Variants in SNTG1 observed in about 807,000 individuals in gnomAD.
The protein encoded by SNTG1 is gamma-1-syntrophin.
A neutral mutation model predicts 74.7 loss-of-function variants in SNTG1; 39 were observed. That is an observed-to-expected ratio of 0.52 (90% confidence interval 0.40 to 0.68). The LOEUF is 0.68. Ranked by LOEUF, SNTG1 falls within the 30% of genes least tolerant of loss-of-function variation. SNTG1 has a pLI of 0.00. For synonymous variants in SNTG1, 254 were observed against 217.1 expected (o/e 1.17, Z -1.49); for missense variants, 685 against 609.5 (o/e 1.12, Z -1.30).
rs2089502312 is a variant in SNTG1, at chr8:50,298,671, A to G, written c.-27-95541A>G. On this transcript the variant is annotated intron_variant, in intron 2 of 18. Transcript: ENST00000642720. ...TAAAAACCTAACAAGCTTCAATTCA[A>G]TTTTATTACCCTTTGGATCAGAGAA... Among the ~76,000 whole-genome samples, 4 of 152,264 alleles carry G rather than the reference A, an allele frequency of 2.6e-5. No individual in the cohort carries two copies. The South Asian group carries it at 8.3e-4, about 32-fold the overall frequency.
intron 1 of SNTG1, among the ~76,000 whole-genome samples, chr8:50,006,724 G>A (rs1563461206): frequency 6.6e-6 from 1 of 152,068 alleles, no homozygotes. Flanking sequence ...GCTGCTTTGG[G>A]TGAGCAGACG....
At chr8:50,666,667 A>G (rs769575332) in intron 15 of SNTG1, among the ~76,000 whole-genome samples, 6 of 152,156 alleles carry the variant, frequency 3.9e-5, no homozygotes, top group Non-Finnish European at 8.8e-5. Context: ...TATAGAGACA[A>G]CACAGTAAAT....
intron 1 of SNTG1, among the ~76,000 whole-genome samples, chr8:50,020,078 T>C (rs1394730024): frequency 6.6e-6 from 1 of 152,128 alleles, no homozygotes; most frequent in African/African-American, 2.4e-5. Flanking sequence ...CTATACTCTA[T>C]CTTCAGCATG....
At chr8:50,422,168 G>T (rs2093096670) in intron 4 of SNTG1, among the ~76,000 whole-genome samples, 1 of 152,076 alleles carries the variant, frequency 6.6e-6, no homozygotes, top group South Asian at 2.1e-4. Context: ...CTGTTTGCTG[G>T]CCAGAAGGCA....
chr8:50,530,424 T>C lies in SNTG1; in HGVS notation c.549+165T>C, dbSNP rs542551725. ...CAAAATAAATAGATCAGGTTTCTTATGCCATTTTTTTCCCCTCTCAAGTCT... is the reference window on the plus strand; with the variant it reads ...CAAAATAAATAGATCAGGTTTCTTACGCCATTTTTTTCCCCTCTCAAGTCT... On this transcript the variant is annotated intron_variant, in intron 10 of 18. Transcript: ENST00000642720. 8.1e-5 allele frequency among the ~76,000 whole-genome samples: 12 copies of C among 148,304 alleles called. No homozygotes were observed. In the East Asian group the frequency reaches 2.4e-3, roughly 29 times the overall value.
Position 50,608,914 on chromosome 8 carries a change from A to G in SNTG1, c.849+17997A>G, listed in dbSNP as rs143480762. On this transcript the variant is annotated intron_variant, in intron 13 of 18. Transcript: ENST00000642720. ...TCTTGGGAATCACATATGCATCTTTAAGTGATCATAATCCACTTCAATTTT... is the reference window on the plus strand; with the variant it reads ...TCTTGGGAATCACATATGCATCTTTGAGTGATCATAATCCACTTCAATTTT... Among the ~76,000 whole-genome samples, 1,204 of 152,054 alleles carry G rather than the reference A, an allele frequency of 7.9e-3. 12 individuals are homozygous for G. Among genetic ancestry groups the G allele is most frequent in the African/African-American group, 0.027 (1,102 of 41,520 alleles).
intron 2 of SNTG1, among the ~76,000 whole-genome samples, chr8:50,334,392 C>A (rs2091069779): frequency 6.6e-6 from 1 of 152,042 alleles, no homozygotes; most frequent in East Asian, 1.9e-4. Context: ...AAAAAACTAA[C>A]AAAAACCATA....
At chr8:50,470,844 A>T (rs2131742716) in intron 8 of SNTG1, among the ~76,000 whole-genome samples, 1 of 152,218 alleles carries the variant, frequency 6.6e-6, no homozygotes, top group Non-Finnish European at 1.5e-5. Context: ...GGGTTGCTGC[A>T]GGGGGCTCTG....
At chr8:50,562,926 C>G (rs1021909017) in intron 12 of SNTG1, among the ~76,000 whole-genome samples, 1 of 152,160 alleles carries the variant, frequency 6.6e-6, no homozygotes. Flanking sequence ...TGATCAGAAT[C>G]GTTGCATTCA....
At chr8:50,243,230 C>T (rs753240113) in intron 2 of SNTG1, among the ~76,000 whole-genome samples, 1 of 152,078 alleles carries the variant, frequency 6.6e-6, no homozygotes, top group African/African-American at 2.4e-5. Context: ...AACATTTTAA[C>T]AGTCTGACCC....
At chr8:50,228,600 C>T (rs946965622) in intron 2 of SNTG1, among the ~76,000 whole-genome samples, 1 of 151,598 alleles carries the variant, frequency 6.6e-6, no homozygotes, top group Non-Finnish European at 1.5e-5. Flanking sequence ...AAAAACCAAC[C>T]CAGCCAGAAA....
intron 5 of SNTG1, among the ~76,000 whole-genome samples, chr8:50,444,282 C>T (rs1294666606): frequency 1.3e-5 from 2 of 151,978 alleles, no homozygotes; most frequent in Non-Finnish European, 2.9e-5. Context: ...TAAATGTATG[C>T]CTTTTAACTT....
At chr8:50,241,572 A>C (rs755281884) in intron 2 of SNTG1, among the ~76,000 whole-genome samples, 3 of 152,176 alleles carry the variant, frequency 2.0e-5, no homozygotes, top group Non-Finnish European at 2.9e-5. Context: ...CCCAGTGGGC[A>C]GACATTCTGC....
intron 12 of SNTG1, among the ~76,000 whole-genome samples, chr8:50,582,107 A>G (rs2094613981): frequency 6.6e-6 from 1 of 152,176 alleles, no homozygotes; most frequent in Non-Finnish European, 1.5e-5. Flanking sequence ...CACACTATAG[A>G]CATTAAGACT....
intron 1 of SNTG1, among the ~76,000 whole-genome samples, chr8:50,091,603 A>C (rs1262558659): frequency 1.3e-5 from 2 of 152,056 alleles, no homozygotes; most frequent in Non-Finnish European, 2.9e-5. Flanking sequence ...GTGTTGTCTA[A>C]AATGGTAAGA....
chr8:50,414,443 A>C (rs2131414161), intron 4 of SNTG1, among the ~76,000 whole-genome samples: 1 of 152,174 alleles, frequency 6.6e-6, no homozygotes, highest in South Asian at 2.1e-4. Flanking sequence ...TGACACACTA[A>C]GAGAGTTTTC....
chr8:50,117,343 G>A (rs2080858403), intron 1 of SNTG1, among the ~76,000 whole-genome samples: 1 of 152,042 alleles, frequency 6.6e-6, no homozygotes, highest in South Asian at 2.1e-4. Flanking sequence ...GGCTATGCTT[G>A]TTTATCCGGT....
chr8:50,689,143 A>AT (rs1274445603), intron 15 of SNTG1, among the ~76,000 whole-genome samples: 2 of 150,584 alleles, frequency 1.3e-5, no homozygotes, highest in African/African-American at 4.9e-5. Context: ...GCTTAAGGAG[A>AT]TTTTGGGCTG....
intron 17 of SNTG1, among the ~76,000 whole-genome samples, chr8:50,716,401 A>G (rs532372058): frequency 4.0e-4 from 61 of 152,170 alleles, no homozygotes; most frequent in African/African-American, 1.4e-3. Context: ...TTTTAAAATT[A>G]TATATATATT....
Sources: allele counts gnomAD v4.1 joint callset (sites outside exome capture counted in the v4.1 genomes callset), GRCh38; gene constraint gnomAD v4.1.1; transcripts MANE v1.5; gene names NCBI Gene and HGNC (gene_info 2026-07-23, HGNC 2026-07-21).